Variants in ERCC6L2 observed in about 807,000 individuals in gnomAD.
ERCC6L2 encodes DNA excision repair protein ERCC-6-like 2.
ERCC6L2 carries 77 observed loss-of-function variants against 132.0 expected under a neutral mutation model. The observed-to-expected ratio is 0.58, with a 90% CI of 0.49 to 0.71. The LOEUF is 0.71. Among genes scored for constraint, ERCC6L2 ranks in the 30% least tolerant of loss-of-function variants. The pLI is 0.00. For missense variants in ERCC6L2, 1,542 were observed against 1,837.6 expected (o/e 0.84, Z 2.94); for synonymous variants, 583 against 632.4 (o/e 0.92, Z 1.17).
At chr9:95,957,726 C>T (rs1200765264) in intron 13 of ERCC6L2, among the ~76,000 whole-genome samples, 3 of 151,646 alleles carry the variant, frequency 2.0e-5, no homozygotes, top group African/African-American at 7.3e-5. Context: ...TTATATGACA[C>T]AAATAAAGAT....
intron 13 of ERCC6L2, among the ~76,000 whole-genome samples, chr9:95,956,237 A>G (rs1195948793): frequency 6.6e-6 from 1 of 152,204 alleles, no homozygotes; most frequent in African/African-American, 2.4e-5. Context: ...ACTTTAGTGT[A>G]CATGCGAATT....
intron 2 of ERCC6L2, among the ~76,000 whole-genome samples, chr9:95,897,035 A>G (rs1464635671): frequency 1.3e-5 from 2 of 151,420 alleles, no homozygotes; most frequent in African/African-American, 2.4e-5. Context: ...TAATTCTCAC[A>G]TAGTTTTTTG....
intron 3 of ERCC6L2, among the ~76,000 whole-genome samples, chr9:95,903,555 T>A (rs1164693863): frequency 6.6e-6 from 1 of 152,120 alleles, no homozygotes; most frequent in Non-Finnish European, 1.5e-5. Flanking sequence ...TATTTATTGA[T>A]CTGGTTTGTA....
At chr9:95,923,199 A>G (rs1333042790) in intron 8 of ERCC6L2, 61 bp from the exon 9 acceptor site, 31 of 1,533,416 alleles carry the variant, frequency 2.0e-5, no homozygotes, top group South Asian at 6.5e-5. Flanking sequence ...AATTATTTCA[A>G]TTTATACAGG....
At chr9:95,979,127 T>C (rs1389512813) in intron 17 of ERCC6L2, among the ~76,000 whole-genome samples, 1 of 152,172 alleles carries the variant, frequency 6.6e-6, no homozygotes, top group African/African-American at 2.4e-5. Flanking sequence ...TACCCAGATA[T>C]TATATTAAAA....
At chr9:95,928,679 C>T (rs1437546389) in intron 10 of ERCC6L2, 40 bp from the exon 11 acceptor site, 2 of 1,544,378 alleles carry the variant, frequency 1.3e-6, no homozygotes, top group Non-Finnish European at 1.7e-6. Flanking sequence ...ACTTACTTAA[C>T]CAAGATTCAT....
At position 95,966,687 on chromosome 9, in the gene ERCC6L2, G is replaced by A; in HGVS notation, c.2073G>A (p.Gly691=). 1 of 1,489,456 alleles carries A rather than the reference G, an allele frequency of 6.7e-7. No homozygotes were observed. The highest frequency in any genetic ancestry group is 9.1e-7 in the Non-Finnish European group (1 of 1,098,542). The allele number at this position is 1,489,456 out of a possible 1,614,324, so 92.3% of individuals were successfully genotyped here. ...IHNLFKFRSQ[G]SCLTKDILER... Reference sequence around the variant, plus strand: ...ACCTCTTCAAATTTAGGTCCCAAGGGTCTTGTCTTACGAAGGACATCCTGG... The same window carrying A: ...ACCTCTTCAAATTTAGGTCCCAAGGATCTTGTCTTACGAAGGACATCCTGG... The change falls in exon 14 of 19, where the codon GGG becomes GGA. Residue 691 remains glycine (G), a synonymous_variant. Transcript: ENST00000653738.
At position 95,880,951 on chromosome 9, in the gene ERCC6L2, A is replaced by G. The variant is rs1183191652; in HGVS notation, c.129A>G (p.Thr43=). 1.9e-6 allele frequency: 3 copies of G among 1,613,910 alleles called. No individual in the cohort carries two copies. The highest frequency in any genetic ancestry group is 2.5e-6 in the Non-Finnish European group (3 of 1,179,942). Residue 43 remains threonine, a synonymous_variant, in exon 2 of 19, where the codon ACA becomes ACG. Transcript: ENST00000653738. ...KLCEASIKSI[T]VDENGKSFAV... is the part of the protein sequence containing the mutation. ...GTGAAGCAAGCATAAAATCTATCAC[A>G]GTGGATGAAAATGGCAAGTCATTTG...
chr9:95,957,764 A>G (rs1338983555), intron 13 of ERCC6L2, among the ~76,000 whole-genome samples: 1 of 152,150 alleles, frequency 6.6e-6, no homozygotes, highest in Non-Finnish European at 1.5e-5. Context: ...AGGAAAAGGC[A>G]CTAAATATGG....
chr9:95,928,886 A>G, intron 11 of ERCC6L2, 22 bp downstream of exon 11: 1 of 1,467,644 alleles, frequency 6.8e-7, no homozygotes, highest in Non-Finnish European at 9.2e-7. Context: ...AAATTTAATA[A>G]CTAGATTTTT....
At chr9:95,953,755 AAAT>A (rs1325318024) in intron 12 of ERCC6L2, among the ~76,000 whole-genome samples, 2 of 152,112 alleles carry the variant, frequency 1.3e-5, no homozygotes, top group Non-Finnish European at 2.9e-5. Context: ...ATTAAGATAA[AAAT>A]AAGAACATAA....
intron 12 of ERCC6L2, among the ~76,000 whole-genome samples, chr9:95,945,863 C>T (rs190676163): frequency 6.6e-6 from 1 of 151,990 alleles, no homozygotes; most frequent in Non-Finnish European, 1.5e-5. Context: ...GAACTAAATC[C>T]AAACATAAAT....
chr9:95,991,695 G>A (rs747900559), intron 17 of ERCC6L2, among the ~76,000 whole-genome samples: 4 of 152,134 alleles, frequency 2.6e-5, no homozygotes, highest in Admixed American at 1.3e-4. Flanking sequence ...TTCCCAATAC[G>A]TATTTTTCTG....
Position 95,902,008 on chromosome 9 carries a change from C to G in ERCC6L2, c.594+4037C>G, listed in dbSNP as rs1587870771. On this transcript the variant is annotated intron_variant, in intron 3 of 18. Transcript: ENST00000653738. The stretch of plus-strand genomic sequence containing the variant: ...CTAATGCCAGAATTACAATTGAATT[C>G]TGAAAAATTAATGTTGAAGCTTGTT... Among the ~76,000 whole-genome samples, 5 of 152,250 alleles carry G rather than the reference C, an allele frequency of 3.3e-5. 1 individual carries two copies. Among genetic ancestry groups the G allele is most frequent in the Admixed American group, 3.3e-4 (5 of 15,290 alleles).
chr9:95,917,798 G>A (rs1233455614), intron 6 of ERCC6L2, among the ~76,000 whole-genome samples: 1 of 152,106 alleles, frequency 6.6e-6, no homozygotes, highest in African/African-American at 2.4e-5. Context: ...CTGGAACCTG[G>A]GTTTCTTCCT....
chr9:95,926,041 C>T (rs1830085653), intron 9 of ERCC6L2, among the ~76,000 whole-genome samples: 1 of 152,006 alleles, frequency 6.6e-6, no homozygotes, highest in Non-Finnish European at 1.5e-5. Context: ...AAGGAGATAC[C>T]ACTAGATACC....
At chr9:95,889,286 A>G (rs1828035736) in intron 2 of ERCC6L2, among the ~76,000 whole-genome samples, 1 of 152,186 alleles carries the variant, frequency 6.6e-6, no homozygotes, top group African/African-American at 2.4e-5. Flanking sequence ...AATTTGCACA[A>G]TTAGGAATAT....
At chr9:95,982,490 A>G (rs138286863) in intron 17 of ERCC6L2, among the ~76,000 whole-genome samples, 151 of 152,194 alleles carry the variant, frequency 9.9e-4, no homozygotes, top group Middle Eastern at 3.4e-3. Context: ...TTTCAGGATA[A>G]TGAATGGCAT....
intron 16 of ERCC6L2, among the ~76,000 whole-genome samples, chr9:95,975,943 C>T (rs908000968): frequency 2.6e-5 from 4 of 152,006 alleles, no homozygotes; most frequent in South Asian, 2.1e-4. Flanking sequence ...TTCTGATTTA[C>T]GTTGATTCAT....
Sources: allele counts gnomAD v4.1 joint callset (sites outside exome capture counted in the v4.1 genomes callset), GRCh38; gene constraint gnomAD v4.1.1; transcripts MANE v1.5; gene names NCBI Gene and HGNC (gene_info 2026-07-23, HGNC 2026-07-21).